DLGAP1: variants seen among roughly 807,000 people sequenced by gnomAD.
The protein encoded by DLGAP1 is disks large-associated protein 1.
DLGAP1 carries 11 observed loss-of-function variants against 90.8 expected under a neutral mutation model. The ratio of observed to expected loss-of-function variants is 0.12; its 90% confidence interval spans 0.08 to 0.20. DLGAP1 has a LOEUF of 0.20. DLGAP1 is among the 10% of genes least tolerant of loss of function. The pLI, the probability that DLGAP1 is intolerant of heterozygous loss-of-function variation, is 1.00. For synonymous variants in DLGAP1, 558 were observed against 540.7 expected (o/e 1.03, Z -0.44); for missense variants, 1,050 against 1,333.8 (o/e 0.79, Z 3.31).
intron 1 of DLGAP1, among the ~76,000 whole-genome samples, chr18:4,339,680 C>A (rs1277275964): frequency 9.2e-5 from 14 of 152,028 alleles, no homozygotes; most frequent in Non-Finnish European, 4.4e-5. Context: ...CTTAAAATTT[C>A]TCTGAAACCA....
chr18:4,301,803 T>C lies in DLGAP1; in HGVS notation c.-266-150516A>G, dbSNP rs140540745. On this transcript the variant is annotated intron_variant, in intron 1 of 12. Coordinates refer to ENST00000315677, the MANE Select transcript of DLGAP1 (RefSeq NM_004746.4). Reference sequence around the variant, plus strand: ...TCCCTTTTCTCCACATCCTTGCCAATGACCTTTTGTTTTTTTGATAATACC... The same window carrying C: ...TCCCTTTTCTCCACATCCTTGCCAACGACCTTTTGTTTTTTTGATAATACC... Among the ~76,000 whole-genome samples, 166 of 152,314 alleles carry C rather than the reference T, an allele frequency of 1.1e-3. 4 individuals are homozygous for C. The highest frequency in any genetic ancestry group is 3.5e-3 in the African/African-American group (147 of 41,572).
intron 1 of DLGAP1, among the ~76,000 whole-genome samples, chr18:4,356,016 C>T (rs558692868): frequency 6.6e-6 from 1 of 151,904 alleles, no homozygotes; most frequent in African/African-American, 2.4e-5. Flanking sequence ...TCACCAATGA[C>T]ATCTATGTTC....
intron 3 of DLGAP1, chr18:3,993,217 G>C (rs943019206): frequency 6.6e-6 from 1 of 151,930 alleles, no homozygotes; most frequent in Non-Finnish European, 1.5e-5. Context: ...GAAATCAACA[G>C]CATAGGGGAA....
At chr18:3,957,313 C>T (rs1006674708) in intron 3 of DLGAP1, among the ~76,000 whole-genome samples, 4 of 152,142 alleles carry the variant, frequency 2.6e-5, no homozygotes, top group African/African-American at 9.7e-5. Context: ...GGGAAAAGCC[C>T]TCCCCTAGAG....
chr18:4,297,326 A>C (rs2080008164), intron 1 of DLGAP1, among the ~76,000 whole-genome samples: 1 of 152,132 alleles, frequency 6.6e-6, no homozygotes, highest in Non-Finnish European at 1.5e-5. Context: ...AAAACCATCA[A>C]TGTCTGGTGG....
At chr18:4,113,158 G>A (rs2076003713) in intron 2 of DLGAP1, among the ~76,000 whole-genome samples, 1 of 152,084 alleles carries the variant, frequency 6.6e-6, no homozygotes, top group Non-Finnish European at 1.5e-5. Flanking sequence ...TGGTAGTTCC[G>A]TTTTAAATTA....
intron 7 of DLGAP1, among the ~76,000 whole-genome samples, chr18:3,601,002 A>G: frequency 7.4e-6 from 1 of 135,912 alleles, no homozygotes; most frequent in East Asian, 2.0e-4. Flanking sequence ...ATAGATATAT[A>G]GATATAGATA....
At chr18:4,396,865 T>G (rs1176674604) in intron 1 of DLGAP1, among the ~76,000 whole-genome samples, 1 of 152,198 alleles carries the variant, frequency 6.6e-6, no homozygotes, top group African/African-American at 2.4e-5. Context: ...AAACCCATAT[T>G]GCATAATGTG....
chr18:3,741,689 C>CCTTGATG (rs941553807), intron 6 of DLGAP1, among the ~76,000 whole-genome samples: 47 of 152,342 alleles, frequency 3.1e-4, no homozygotes, highest in African/African-American at 1.1e-3. Flanking sequence ...TTAATTCTCA[C>CCTTGATG]CTTGATGATC....
intron 1 of DLGAP1, among the ~76,000 whole-genome samples, chr18:4,188,196 A>T (rs2144711981): frequency 6.6e-6 from 1 of 152,160 alleles, no homozygotes; most frequent in South Asian, 2.1e-4. Flanking sequence ...TTCATCTTAA[A>T]ACTCTGTCAT....
At chr18:4,048,099 T>C (rs752081783) in intron 2 of DLGAP1, among the ~76,000 whole-genome samples, 2 of 152,200 alleles carry the variant, frequency 1.3e-5, no homozygotes, top group Admixed American at 6.5e-5. Context: ...CATCCAGTCC[T>C]AAAAACTTCT....
At chr18:3,874,294 G>C (rs755617521) in intron 4 of DLGAP1, 1 of 1,545,550 alleles carries the variant, frequency 6.5e-7, no homozygotes, top group African/African-American at 1.4e-5. Flanking sequence ...TCTCTCTCTC[G>C]CTCCCTCTGT....
chr18:4,141,050 T>G (rs1486694509), intron 2 of DLGAP1, among the ~76,000 whole-genome samples: 1 of 152,024 alleles, frequency 6.6e-6, no homozygotes, highest in African/African-American at 2.4e-5. Flanking sequence ...TCTATATGCT[T>G]CTTGTACTCG....
At chr18:3,634,580 G>T (rs1489929912) in intron 7 of DLGAP1, among the ~76,000 whole-genome samples, 3 of 152,118 alleles carry the variant, frequency 2.0e-5, no homozygotes, top group Non-Finnish European at 4.4e-5. Flanking sequence ...AAATTATATT[G>T]AGAATATTGC....
intron 5 of DLGAP1, among the ~76,000 whole-genome samples, chr18:3,777,442 T>C (rs2064987380): frequency 6.6e-6 from 1 of 151,856 alleles, no homozygotes; most frequent in African/African-American, 2.4e-5. Context: ...TTTATAAAAG[T>C]GGAGGTGGTG....
intron 2 of DLGAP1, among the ~76,000 whole-genome samples, chr18:4,099,703 T>G (rs1354898023): frequency 1.5e-5 from 2 of 135,290 alleles, no homozygotes; most frequent in Non-Finnish European, 3.2e-5. Context: ...CTTTTTTTAC[T>G]TTTTTTTTTT....
chr18:3,861,396 G>A (rs1192994706), intron 4 of DLGAP1, among the ~76,000 whole-genome samples: 1 of 152,136 alleles, frequency 6.6e-6, no homozygotes, highest in Non-Finnish European at 1.5e-5. Context: ...TTTTTTAAAT[G>A]TCATAATTTA....
intron 1 of DLGAP1, among the ~76,000 whole-genome samples, chr18:4,217,019 T>G (rs1435602673): frequency 1.9e-4 from 29 of 152,114 alleles, no homozygotes. Flanking sequence ...AAATATCTCC[T>G]GTGTTCCATA....
In DLGAP1 at chr18:4,412,553, A is replaced by T. The variant is rs548791917; in HGVS notation, c.-267+42453T>A. Among the ~76,000 whole-genome samples the T allele has an allele frequency of 9.8e-5, 15 of 152,324 alleles. No individual in the cohort carries two copies. In the South Asian group the frequency reaches 3.1e-3, roughly 32 times the overall value. On this transcript the variant is annotated intron_variant, in intron 1 of 12. Coordinates refer to ENST00000315677, the MANE Select transcript of DLGAP1 (RefSeq NM_004746.4). Reference sequence around the variant, plus strand: ...CCCAACATGCATGGCTAGAGCTGAGAGGATGGGTTCAGGGTCTAGGACCAA... The same window carrying T: ...CCCAACATGCATGGCTAGAGCTGAGTGGATGGGTTCAGGGTCTAGGACCAA...
Sources: gnomAD v4.1 joint callset for allele counts (sites outside exome capture counted in the v4.1 genomes callset) on GRCh38, gnomAD v4.1.1 for gene constraint, MANE v1.5 for transcripts, NCBI Gene and HGNC (gene_info 2026-07-23, HGNC 2026-07-21) for gene names.